TNIK: variants seen among roughly 807,000 people sequenced by gnomAD.
TNIK encodes TRAF2 and NCK-interacting protein kinase.
Under a neutral mutation model 191.3 loss-of-function variants are expected in TNIK, and 49 were observed. That is an observed-to-expected ratio of 0.26 (90% CI 0.20 to 0.32). The LOEUF is 0.32. TNIK is among the 10% of genes least tolerant of loss of function. The pLI, the probability that TNIK is intolerant of heterozygous loss-of-function variation, is 1.00. For missense variants in TNIK, 1,155 were observed against 1,702.3 expected (o/e 0.68, Z 5.66); for synonymous variants, 594 against 600.9 (o/e 0.99, Z 0.17).
intron 23 of TNIK, among the ~76,000 whole-genome samples, chr3:171,091,752 A>T (rs1445705707): frequency 6.6e-6 from 1 of 151,638 alleles, no homozygotes; most frequent in Non-Finnish European, 1.5e-5. Flanking sequence ...AATAATAATA[A>T]TAATAAAGCA....
At chr3:171,410,377 T>C (rs1368715525) in intron 1 of TNIK, among the ~76,000 whole-genome samples, 1 of 152,186 alleles carries the variant, frequency 6.6e-6, no homozygotes, top group Non-Finnish European at 1.5e-5. Flanking sequence ...CATACAGCCT[T>C]TCTGGATGAG....
At chr3:171,324,888 G>A (rs1755567395) in intron 2 of TNIK, among the ~76,000 whole-genome samples, 1 of 152,024 alleles carries the variant, frequency 6.6e-6, no homozygotes, top group African/African-American at 2.4e-5. Context: ...CACGAGGTCA[G>A]GAGATCGAGA....
intron 16 of TNIK, among the ~76,000 whole-genome samples, chr3:171,127,550 C>T (rs2108576975): frequency 6.6e-6 from 1 of 152,300 alleles, no homozygotes. Context: ...TCATCAAGTA[C>T]ATTTTCCCTC....
chr3:171,435,273 A>C (rs1725894365), intron 1 of TNIK, among the ~76,000 whole-genome samples: 1 of 152,246 alleles, frequency 6.6e-6, no homozygotes, highest in Non-Finnish European at 1.5e-5. Flanking sequence ...TGACTTGCTT[A>C]AGCCAATCAT....
chr3:171,381,673 T>A (rs1376863241), intron 1 of TNIK, among the ~76,000 whole-genome samples: 1 of 152,172 alleles, frequency 6.6e-6, no homozygotes, highest in Non-Finnish European at 1.5e-5. Context: ...CATGCCCTTG[T>A]CCCACTGAAG....
chr3:171,185,324 G>T (rs1415238516), intron 7 of TNIK, among the ~76,000 whole-genome samples: 1 of 151,810 alleles, frequency 6.6e-6, no homozygotes, highest in Non-Finnish European at 1.5e-5. Context: ...AAATACACAG[G>T]ACTATAAAAT....
chr3:171,365,940 A>C (rs954219139), intron 2 of TNIK, among the ~76,000 whole-genome samples: 1 of 152,254 alleles, frequency 6.6e-6, no homozygotes, highest in African/African-American at 2.4e-5. Context: ...TCTATATTCA[A>C]AAGGGCAAAT....
chr3:171,101,210 T>A (rs1723495717), intron 22 of TNIK, among the ~76,000 whole-genome samples: 1 of 152,054 alleles, frequency 6.6e-6, no homozygotes, highest in African/African-American at 2.4e-5. Flanking sequence ...GGATAGTCAA[T>A]CCATTGGCAA....
Position 171,247,769 on chromosome 3 carries a change from C to T in TNIK, c.124-19548G>A, listed in dbSNP as rs574115697. Among the ~76,000 whole-genome samples, 6 of 152,280 alleles carry T rather than the reference C, an allele frequency of 3.9e-5. No individual in the cohort carries two copies. In the South Asian group the frequency reaches 1.2e-3, roughly 32 times the overall value. On this transcript the variant is annotated intron_variant, in intron 2 of 32. Coordinates refer to ENST00000436636, the MANE Select transcript of TNIK (RefSeq NM_015028.4). ...AAGGAGGGTATGGTCAGAGCCAGTG[C>T]TACAGAAGACCAAGTGAAATAAAGA...
At chr3:171,244,349 G>A (rs1029861426) in intron 2 of TNIK, among the ~76,000 whole-genome samples, 6 of 152,164 alleles carry the variant, frequency 3.9e-5, no homozygotes, top group African/African-American at 1.4e-4. Flanking sequence ...ACAGGCGTGA[G>A]CCACTGCGCC....
At chr3:171,438,388 A>G (rs1171570753) in intron 1 of TNIK, among the ~76,000 whole-genome samples, 1 of 152,162 alleles carries the variant, frequency 6.6e-6, no homozygotes, top group Non-Finnish European at 1.5e-5. Context: ...AACACATGAA[A>G]TTGTATTTTC....
chr3:171,225,248 C>T (rs1282668577), intron 3 of TNIK, among the ~76,000 whole-genome samples: 1 of 152,138 alleles, frequency 6.6e-6, no homozygotes, highest in African/African-American at 2.4e-5. Context: ...ACGTGAGTTT[C>T]ACAAAGGAAA....
intron 1 of TNIK, among the ~76,000 whole-genome samples, chr3:171,423,320 A>G (rs1205860694): frequency 2.0e-5 from 3 of 152,128 alleles, no homozygotes; most frequent in Non-Finnish European, 2.9e-5. Flanking sequence ...CCACTGCTCA[A>G]TGAAATAAAA....
At chr3:171,395,631 G>A (rs1304980387) in intron 1 of TNIK, among the ~76,000 whole-genome samples, 1 of 152,148 alleles carries the variant, frequency 6.6e-6, no homozygotes, top group African/African-American at 2.4e-5. Flanking sequence ...TTTGAAAACT[G>A]TATATTGAAA....
chr3:171,076,176 C>T (rs967446092), intron 28 of TNIK, among the ~76,000 whole-genome samples: 2 of 151,728 alleles, frequency 1.3e-5, no homozygotes, highest in African/African-American at 2.4e-5. Context: ...ATGTCCTTCT[C>T]AGGCACCAAA....
chr3:171,358,388 G>A (rs990896766), intron 2 of TNIK, among the ~76,000 whole-genome samples: 2 of 152,156 alleles, frequency 1.3e-5, no homozygotes, highest in Non-Finnish European at 2.9e-5. Flanking sequence ...GTGCAGACAA[G>A]AATGCTTGTG....
intron 1 of TNIK, among the ~76,000 whole-genome samples, chr3:171,424,042 A>G (rs1262962455): frequency 6.6e-6 from 1 of 152,232 alleles, no homozygotes; most frequent in African/African-American, 2.4e-5. Context: ...CAGAGTGAAC[A>G]GGCAACCTAT....
chr3:171,256,445 T>G (rs1202471153), intron 2 of TNIK, among the ~76,000 whole-genome samples: 2 of 152,216 alleles, frequency 1.3e-5, no homozygotes, highest in Non-Finnish European at 1.5e-5. Context: ...TGCAATCTTC[T>G]TAACCAAACG....
chr3:171,416,226 T>C (rs963592306), intron 1 of TNIK, among the ~76,000 whole-genome samples: 4 of 151,986 alleles, frequency 2.6e-5, no homozygotes, highest in Non-Finnish European at 5.9e-5. Context: ...AATTGGCAAC[T>C]GAGGGAATAA....
Sources: allele counts gnomAD v4.1 joint callset (sites outside exome capture counted in the v4.1 genomes callset), GRCh38; gene constraint gnomAD v4.1.1; transcripts MANE v1.5; gene names NCBI Gene and HGNC (gene_info 2026-07-23, HGNC 2026-07-21).